The following CTCF variants were observed in gnomAD, a reference collection of about 807,000 sequenced individuals.
CTCF encodes the protein CCCTC-binding factor.
Under a neutral mutation model 72.3 loss-of-function variants are expected in CTCF, and 7 were observed. That is an observed-to-expected ratio of 0.10 (90% confidence interval 0.06 to 0.18). CTCF has a LOEUF of 0.18. Ranked by LOEUF, CTCF falls within the 10% of genes least tolerant of loss-of-function variation. The probability of loss-of-function intolerance (pLI) is 1.00; values close to 1 mark genes in which losing one functional copy is unlikely to be tolerated. For missense variants in CTCF, 516 were observed against 949.1 expected (o/e 0.54, Z 6.00); for synonymous variants, 374 against 315.8 (o/e 1.18, Z -1.95).
chr16:67,567,966 T>C (rs2051364489), intron 1 of CTCF: 1 of 145,830 alleles, frequency 6.9e-6, no homozygotes, highest in South Asian at 2.2e-4. Context: ...GGTGTGATCA[T>C]GGCTCACTGC....
At chr16:67,624,108 T>C (rs2052245470) in intron 7 of CTCF, among the ~76,000 whole-genome samples, 1 of 139,682 alleles carries the variant, frequency 7.2e-6, no homozygotes, top group Admixed American at 6.9e-5. Flanking sequence ...TGTGTGTGTG[T>C]GTGTGTGTAT....
At chr16:67,619,320 C>T (rs1341051898) in intron 5 of CTCF, among the ~76,000 whole-genome samples, 1 of 152,092 alleles carries the variant, frequency 6.6e-6, no homozygotes, top group Non-Finnish European at 1.5e-5. Context: ...CCTGTAGTCT[C>T]AGCTACTCGG....
intron 2 of CTCF, among the ~76,000 whole-genome samples, chr16:67,603,122 C>T (rs2051919023): frequency 6.6e-6 from 1 of 151,792 alleles, no homozygotes; most frequent in Non-Finnish European, 1.5e-5. Context: ...CTGGGCACGA[C>T]GGCACATACC....
intron 2 of CTCF, among the ~76,000 whole-genome samples, chr16:67,600,352 C>T (rs1183263412): frequency 7.9e-5 from 12 of 152,048 alleles, no homozygotes; most frequent in Admixed American, 7.9e-4. Context: ...GATCCTCCTG[C>T]CTCAGCCTCC....
chr16:67,599,700 A>C (rs535187586), intron 2 of CTCF, among the ~76,000 whole-genome samples: 1 of 152,314 alleles, frequency 6.6e-6, no homozygotes, highest in South Asian at 2.1e-4. Context: ...GAAACACAAT[A>C]AGGATCTGGT....
intron 7 of CTCF, among the ~76,000 whole-genome samples, chr16:67,622,967 T>A (rs1383964117): frequency 6.8e-6 from 1 of 147,714 alleles, no homozygotes; most frequent in Non-Finnish European, 1.5e-5. Context: ...CAGCCCTCAC[T>A]TGCTTTTTTT....
At chr16:67,591,861 A>T (rs2051748745) in intron 2 of CTCF, among the ~76,000 whole-genome samples, 1 of 151,936 alleles carries the variant, frequency 6.6e-6, no homozygotes, top group Admixed American at 6.6e-5. Context: ...GATGGATGCC[A>T]TCATACCTAG....
Position 67,637,921 on chromosome 16 carries a change from G to C in CTCF, c.*49G>C, listed in dbSNP as rs548584766. ...GGACTTCTCTGGGCTGTGTTTAAAC[G>C]GCCCGCATCTTAATTTTTCTCCCTT... On this transcript the variant is annotated 3_prime_UTR_variant, in exon 12 of 12. Transcript: ENST00000264010. 2 of 1,395,016 alleles carry C rather than the reference G, an allele frequency of 1.4e-6. No individual in the cohort carries two copies. Among genetic ancestry groups the C allele is most frequent in the African/African-American group, 2.9e-5 (2 of 69,536 alleles). 86.4% of individuals were successfully genotyped at this position (1,395,016 alleles called of 1,614,324 possible).
At chr16:67,567,075 C>T (rs968885723) in intron 1 of CTCF, among the ~76,000 whole-genome samples, 3 of 152,076 alleles carry the variant, frequency 2.0e-5, no homozygotes, top group Non-Finnish European at 4.4e-5. Flanking sequence ...CTCGTGGCCT[C>T]AAGCAGTCTG....
intron 4 of CTCF, chr16:67,615,209 T>G (rs1377707364): frequency 6.6e-6 from 1 of 152,294 alleles, no homozygotes; most frequent in African/African-American, 2.4e-5. Flanking sequence ...CTAATGGAAC[T>G]CCCTGCCCCA....
intron 7 of CTCF, among the ~76,000 whole-genome samples, chr16:67,622,683 A>T (rs1178120751): frequency 7.4e-6 from 1 of 134,810 alleles, no homozygotes; most frequent in Non-Finnish European, 1.5e-5. Context: ...TCCTCTCGTC[A>T]CCCAGGCTGG....
chr16:67,567,678 A>T (rs1043851285), intron 1 of CTCF, among the ~76,000 whole-genome samples: 1 of 150,064 alleles, frequency 6.7e-6, no homozygotes, highest in African/African-American at 2.5e-5. Context: ...GCAGCCTTGA[A>T]CTCCTGGGCT....
chr16:67,618,999 A>G (rs1426272722), intron 5 of CTCF, among the ~76,000 whole-genome samples: 1 of 152,260 alleles, frequency 6.6e-6, no homozygotes, highest in African/African-American at 2.4e-5. Flanking sequence ...ATATTGCAGT[A>G]GGAATAGATA....
chr16:67,630,071 C>T (rs568821077), intron 10 of CTCF, among the ~76,000 whole-genome samples: 22 of 151,868 alleles, frequency 1.4e-4, no homozygotes, highest in African/African-American at 3.6e-4. Context: ...CCACTGCGCC[C>T]GGCCATTATT....
At chr16:67,563,344 C>T (rs2051303496) in intron 1 of CTCF, 1 of 152,234 alleles carries the variant, frequency 6.6e-6, no homozygotes, top group Admixed American at 6.5e-5. Context: ...GGCGGTCGCT[C>T]CCAGTCCGCG....
rs1222788823 is a variant in CTCF at position 67,602,857 on chromosome 16, AAAAAG to A, written c.-9-7965_-9-7961del. Among the ~76,000 whole-genome samples the A allele has an allele frequency of 2.0e-5, 3 of 151,824 alleles. No individual in the cohort carries two copies. In the South Asian group the frequency reaches 6.2e-4, roughly 31 times the overall value. ...ACTCCATCTCCAAAAAAAAAAAAAA[AAAAAG>A]AGAAGAAAATCTTAATGGGGAAACA... is the stretch of plus-strand genomic sequence containing the variant. On this transcript the variant is annotated intron_variant, in intron 2 of 11. Transcript: ENST00000264010.
At chr16:67,606,622 A>G (rs987499774) in intron 2 of CTCF, among the ~76,000 whole-genome samples, 1 of 152,178 alleles carries the variant, frequency 6.6e-6, no homozygotes, top group Non-Finnish European at 1.5e-5. Context: ...TCTGACTGCT[A>G]TCATGGATAT....
chr16:67,622,641 CTTTTTTT>C lies in CTCF; in HGVS notation c.1357+1063_1357+1069del, dbSNP rs555584618. ...TATAGAGTTGGGCAACCTACTCTTA[CTTTTTTT>C]TTTTTTTTTTTTGAGATGGAGTTTT... is the stretch of plus-strand genomic sequence containing the variant. On this transcript the variant is annotated intron_variant, in intron 7 of 11. Coordinates refer to ENST00000264010, the MANE Select transcript of CTCF (RefSeq NM_006565.4). Among the ~76,000 whole-genome samples the C allele has an allele frequency of 2.3e-5, 3 of 130,920 alleles. No individual in the cohort carries two copies. In the South Asian group the frequency reaches 7.5e-4, roughly 33 times the overall value. The allele number at this position is 130,920 out of a possible 152,430, so 85.9% of individuals were successfully genotyped here.
chr16:67,612,241 C>T, intron 4 of CTCF, 120 bp downstream of exon 4: 1 of 847,434 alleles, frequency 1.2e-6, no homozygotes, highest in Non-Finnish European at 1.8e-6. Context: ...TTATGATGCC[C>T]TTTTTGTAAT....
Sources: gnomAD v4.1 joint callset for allele counts (sites outside exome capture counted in the v4.1 genomes callset) on GRCh38, gnomAD v4.1.1 for gene constraint, MANE v1.5 for transcripts, NCBI Gene and HGNC (gene_info 2026-07-23, HGNC 2026-07-21) for gene names.